Variants in MCF2L observed in about 807,000 individuals in gnomAD.
MCF2L encodes the protein MCF.2 cell line derived transforming sequence like, also known as guanine nucleotide exchange factor DBS.
In MCF2L, 97 loss-of-function variants were observed where a neutral mutation model predicts 153.4. That is an observed-to-expected ratio of 0.63 (90% CI 0.54 to 0.75). The LOEUF (loss-of-function observed/expected upper bound fraction) is 0.75. MCF2L is among the 30% of genes least tolerant of loss of function. The probability of loss-of-function intolerance (pLI) is 0.00; values close to 1 mark genes in which losing one functional copy is unlikely to be tolerated. For synonymous variants in MCF2L, 659 were observed against 632.2 expected, an observed-to-expected ratio of 1.04 and a Z score of -0.64; for missense variants, 1,347 against 1,495.2, an observed-to-expected ratio of 0.90 and a Z score of 1.64.
Position 113,054,833 on chromosome 13 carries a change from C to G in MCF2L, c.370-5760C>G, listed in dbSNP as rs1395526767. 6.6e-6 allele frequency: 1 copy of G among 152,236 alleles called. No homozygotes were observed. The highest frequency in any genetic ancestry group is 1.5e-5 in the Non-Finnish European group (1 of 68,044). The allele number at this position is 152,236 out of a possible 1,614,324, so 9.4% of individuals were successfully genotyped here. A position where few individuals can be genotyped will look rare whatever the true frequency, so the allele number is the denominator to read the frequency against. ...ATATTAACTCAGAAACCAGTGAACTCTTTTTCTATCTCCAGACTACAGTGC... is the reference window on the plus strand; with the variant it reads ...ATATTAACTCAGAAACCAGTGAACTGTTTTTCTATCTCCAGACTACAGTGC... On this transcript the variant is annotated intron_variant, in intron 4 of 29. Coordinates refer to ENST00000535094, the MANE Select transcript of MCF2L (RefSeq NM_001112732.3). The surrounding 1 kb of genome is among the most constrained non-coding windows in gnomAD (Gnocchi z 5.2).
At chr13:113,063,325 G>A (rs2031820383) in intron 5 of MCF2L, among the ~76,000 whole-genome samples, 1 of 150,986 alleles carries the variant, frequency 6.6e-6, no homozygotes, top group Admixed American at 6.6e-5. Context: ...CCGCTCAGCT[G>A]CCTACAGTGT....
At chr13:113,001,723 G>A (rs2083386344) in intron 1 of MCF2L, 12 of 1,359,602 alleles carry the variant, frequency 8.8e-6, no homozygotes, top group South Asian at 1.9e-5. Context: ...CAGGGACATC[G>A]AATCGGAGGC....
rs1566773139 is a variant in MCF2L, at chr13:113,033,306, C to CCCCCGTGAT, written c.278+8548_278+8549insCCCCGTGAT. 1.0e-4 allele frequency among the ~76,000 whole-genome samples: 10 copies of CCCCCGTGAT among 96,088 alleles called. 3 individuals carry two copies. Among genetic ancestry groups the CCCCCGTGAT allele is most frequent in the East Asian group, 8.0e-4 (2 of 2,506 alleles). The allele number at this position is 96,088 out of a possible 152,430, so 63.0% of individuals were successfully genotyped here. ...CCTGTGACATTAGTGGACCCCGTGG[C>CCCCCGTGAT]GTGAGTGGCCCCTGTGGCGTGAGTG... On this transcript the variant is annotated intron_variant, in intron 3 of 29. Coordinates refer to ENST00000535094, the MANE Select transcript of MCF2L (RefSeq NM_001112732.3).
intron 1 of MCF2L, among the ~76,000 whole-genome samples, chr13:112,988,983 T>A (rs1370189838): frequency 7.4e-6 from 1 of 134,718 alleles, no homozygotes; most frequent in Non-Finnish European, 1.6e-5. Flanking sequence ...GAGCAGGGGA[T>A]GGAACTACCA....
At chr13:112,931,265 T>A (rs2140622999) in intron 2 of MCF2L, among the ~76,000 whole-genome samples, 1 of 152,284 alleles carries the variant, frequency 6.6e-6, no homozygotes, top group African/African-American at 2.4e-5. Context: ...TGCGTGACTC[T>A]GGGCAGGAGT....
chr13:112,902,280 G>A (rs1394785074), exon 2 of MCF2L: 4 of 1,612,852 alleles, frequency 2.5e-6, no homozygotes, highest in Non-Finnish European at 3.4e-6. Context: ...GGCCCAATGA[G>A]GCCAAAAAGG....
intron 2 of MCF2L, among the ~76,000 whole-genome samples, chr13:112,922,213 T>TACA (rs750477696): frequency 6.6e-5 from 10 of 152,106 alleles, no homozygotes; most frequent in Non-Finnish European, 1.2e-4. Context: ...TTCAGAAAAT[T>TACA]ACAGCTTTCC....
intron 2 of MCF2L, among the ~76,000 whole-genome samples, chr13:112,924,222 C>T (rs1425527838): frequency 1.3e-5 from 2 of 152,084 alleles, no homozygotes; most frequent in Middle Eastern, 3.4e-3. Flanking sequence ...CTCCCCACAA[C>T]CCCCCCACGA....
intron 2 of MCF2L, among the ~76,000 whole-genome samples, chr13:112,917,895 C>G (rs2081311695): frequency 6.6e-6 from 1 of 152,218 alleles, no homozygotes; most frequent in Non-Finnish European, 1.5e-5. Context: ...CACCCCCCTG[C>G]TCCAGGCCGG....
chr13:113,023,272 A>G (rs1039091056), intron 2 of MCF2L, among the ~76,000 whole-genome samples: 13 of 152,150 alleles, frequency 8.5e-5, no homozygotes, highest in Non-Finnish European at 1.9e-4. Flanking sequence ...CGAAGTGAGA[A>G]CAATTGTATC....
At chr13:113,076,209 G>A (rs1280284400) in intron 12 of MCF2L, 52 bp downstream of exon 12, 1 of 1,322,902 alleles carries the variant, frequency 7.6e-7, no homozygotes. Context: ...GAGCAGTGAG[G>A]CATTCCTCTG....
At chr13:113,008,503 A>C (rs2083861267) in intron 1 of MCF2L, among the ~76,000 whole-genome samples, 1 of 152,152 alleles carries the variant, frequency 6.6e-6, no homozygotes, top group Non-Finnish European at 1.5e-5. Flanking sequence ...ATCTAAGCAA[A>C]CTGTCTTTAA....
In MCF2L at chr13:113,064,219, C is replaced by A; in HGVS notation, c.490-85C>A. On this transcript the variant is annotated intron_variant, in intron 5 of 29. Coordinates refer to ENST00000535094, the MANE Select transcript of MCF2L (RefSeq NM_001112732.3). This position sits in a 1 kb window ranked among gnomAD's most constrained non-coding sequence, Gnocchi z 6.0. The stretch of plus-strand genomic sequence containing the variant: ...CCAGGCAGACGTGGTCCTCTCTGTG[C>A]TGCTGGGTGTTCTGCTGATGGGGCA... The A allele has an allele frequency of 2.0e-6, 2 of 997,198 alleles. No individual in the cohort carries two copies. The highest frequency in any genetic ancestry group is 3.2e-6 in the Non-Finnish European group (2 of 628,240). The allele number at this position is 997,198 out of a possible 1,614,324, so 61.8% of individuals were successfully genotyped here.
chr13:113,020,000 G>A (rs2084776579), intron 2 of MCF2L, among the ~76,000 whole-genome samples: 1 of 152,226 alleles, frequency 6.6e-6, no homozygotes, highest in African/African-American at 2.4e-5. Context: ...CAAACAGCCT[G>A]TGTGAAAATG....
chr13:112,914,135 G>C (rs2081265410), intron 2 of MCF2L, among the ~76,000 whole-genome samples: 1 of 152,148 alleles, frequency 6.6e-6, no homozygotes, highest in African/African-American at 2.4e-5. Context: ...TTGTGGTTAA[G>C]AAATCAAAAT....
rs1026323377 is a variant in MCF2L at position 113,038,248 on chromosome 13, G to A, written c.279-7023G>A. 3.9e-5 allele frequency among the ~76,000 whole-genome samples: 6 copies of A among 152,030 alleles called. No homozygotes were observed. The East Asian group carries it at 5.8e-4, about 15-fold the overall frequency. On this transcript the variant is annotated intron_variant, in intron 3 of 29. Transcript: ENST00000535094. ...TGGGAGGCCGAGGTGGGTGGATCAC[G>A]AGGTCAGGAGATCGAGATCATCCTG...
intron 3 of MCF2L, chr13:113,042,759 T>G (rs1594800220): frequency 6.6e-6 from 1 of 151,766 alleles, no homozygotes; most frequent in Admixed American, 6.6e-5. Context: ...TGGGGGAGGG[T>G]GCGTTCTGGC....
intron 1 of MCF2L, among the ~76,000 whole-genome samples, chr13:113,011,439 G>GGCA: frequency 6.6e-6 from 1 of 150,862 alleles, no homozygotes; most frequent in Non-Finnish European, 1.5e-5. Flanking sequence ...ACGGTGGACA[G>GGCA]GTGGTGTGGA....
chr13:112,968,407 GC>G, upstream of MCF2L: 2 of 1,554,126 alleles, frequency 1.3e-6, no homozygotes, highest in East Asian at 2.4e-5. Flanking sequence ...GCTGGAATCT[GC>G]AGGTGGCAGC....
Sources: gnomAD v4.1 joint callset for allele counts (sites outside exome capture counted in the v4.1 genomes callset) on GRCh38, gnomAD v4.1.1 for gene constraint, Gnocchi (gnomAD v3.1) non-coding constraint, MANE v1.5 for transcripts, NCBI Gene and HGNC (gene_info 2026-07-23, HGNC 2026-07-21) for gene names.